SLAMF7: variants seen among roughly 807,000 people sequenced by gnomAD.
SLAMF7 encodes SLAM family member 7.
In SLAMF7, 26 loss-of-function variants were observed where a neutral mutation model predicts 34.1. The ratio of observed to expected loss-of-function variants is 0.76; its 90% CI spans 0.56 to 1.06. The LOEUF (loss-of-function observed/expected upper bound fraction) is 1.06, where lower values mean the gene tolerates loss of function less well. SLAMF7 is among the 50% of genes least tolerant of loss of function. The pLI is 0.00. For synonymous variants in SLAMF7, 171 were observed against 156.4 expected, an observed-to-expected ratio of 1.09 and a Z score of -0.70; for missense variants, 399 against 402.5, an observed-to-expected ratio of 0.99 and a Z score of 0.07.
At chr1:160,743,516 C>G (rs1663902460) in intron 1 of SLAMF7, among the ~76,000 whole-genome samples, 1 of 152,196 alleles carries the variant, frequency 6.6e-6, no homozygotes, top group Non-Finnish European at 1.5e-5. Flanking sequence ...AGAAGGGCTA[C>G]CACCTGAACT....
In SLAMF7 at chr1:160,751,261, G is replaced by T. The variant is rs945078762; in HGVS notation, c.770-84G>T. 3.5e-5 allele frequency: 35 copies of T among 986,278 alleles called. 1 individual carries two copies. In the East Asian group the frequency reaches 5.5e-4, roughly 15 times the overall value. The allele number at this position is 986,278 out of a possible 1,614,324, so 61.1% of individuals were successfully genotyped here. On this transcript the variant is annotated intron_variant, in intron 4 of 6. Coordinates refer to ENST00000368043, the MANE Select transcript of SLAMF7 (RefSeq NM_021181.5). ...ACTCGGCTGGTTGGTCACCCTAAGT[G>T]GGTCATCCAGGAGAAATGGTGGGCC...
At chr1:160,751,905 C>A (rs1479203676) in intron 5 of SLAMF7, 1 of 136,060 alleles carries the variant, frequency 7.3e-6, no homozygotes, top group Admixed American at 7.6e-5. Context: ...TATATATACA[C>A]ACACATATAT....
Position 160,752,192 on chromosome 1 carries a change from A to G in SLAMF7, c.880A>G (p.Ile294Val), listed in dbSNP as rs746665482. 1.9e-6 allele frequency: 3 copies of G among 1,612,862 alleles called. No homozygotes were observed. The highest frequency in any genetic ancestry group is 3.3e-5 in the Admixed American group (2 of 59,944). Residue 294 changes from isoleucine to valine, a missense_variant, in exon 6 of 7, where the codon ATC becomes GTC. Ile to Val is a conservative substitution (Grantham distance 29, BLOSUM62 3). Transcript: ENST00000368043. ...TGTTGTTTGTTTTTAAAAGAGAACA[A>G]TCCTAAAGGAAGATCCAGCAAATAC... ...YDTIPHTNRTILKEDPANTVY... is the reference protein window; with the variant it reads ...YDTIPHTNRTVLKEDPANTVY...
rs1166863419 is a variant in SLAMF7 at position 160,751,361 on chromosome 1, G to A, written c.786G>A (p.Lys262=). 1 of 1,613,750 alleles carries A rather than the reference G, an allele frequency of 6.2e-7. No individual in the cohort carries two copies. Residue 262 remains lysine, a synonymous_variant, in exon 5 of 7, where the codon AAG becomes AAA. Coordinates refer to ENST00000368043, the MANE Select transcript of SLAMF7 (RefSeq NM_021181.5). ...TGCTTTTAGAGTACATTGAAGAGAA[G>A]AAGAGAGTGGACATTTGTCGGGAAA... ...RERQEEYIEE[K]KRVDICRETP... is the part of the protein sequence containing the mutation.
In SLAMF7 at chr1:160,753,962, C is replaced by G. The variant is rs927931070; in HGVS notation, c.*785C>G. ...GACCTCCAGCCAGGCTTCATTTATGCACTTGTGCTGCAAAAGAAAAGTCTA... is the reference window on the plus strand; with the variant it reads ...GACCTCCAGCCAGGCTTCATTTATGGACTTGTGCTGCAAAAGAAAAGTCTA... On this transcript the variant is annotated 3_prime_UTR_variant, in exon 7 of 7. Coordinates refer to ENST00000368043, the MANE Select transcript of SLAMF7 (RefSeq NM_021181.5). The G allele has an allele frequency of 2.0e-5, 3 of 152,402 alleles. No individual in the cohort carries two copies. The highest frequency in any genetic ancestry group is 3.8e-4 in the East Asian group (2 of 5,328). The allele number at this position is 152,402 out of a possible 1,614,324, so 9.4% of individuals were successfully genotyped here.
intron 6 of SLAMF7, 60 bp from the exon 7 acceptor site, chr1:160,753,046 A>G (rs1320795894): frequency 1.3e-6 from 2 of 1,518,820 alleles, no homozygotes; most frequent in Non-Finnish European, 1.8e-6. Flanking sequence ...CAGGGTCTCC[A>G]TGGACGATCC....
rs1284152221 is a variant in SLAMF7, at chr1:160,739,374, C to T, written c.55+18C>T. ...GCTCACAGGTGAGTCCGGCCGGATT[C>T]TCTTCCACTCTCCTGTCTACCCCAT... is the stretch of plus-strand genomic sequence containing the variant. On this transcript the variant is annotated intron_variant, in intron 1 of 6. Coordinates refer to ENST00000368043, the MANE Select transcript of SLAMF7 (RefSeq NM_021181.5). 1.7e-5 allele frequency: 27 copies of T among 1,607,612 alleles called. No homozygotes were observed. Among genetic ancestry groups the T allele is most frequent in the Non-Finnish European group, 2.3e-5 (27 of 1,175,638 alleles).
At chr1:160,748,624 G>C (rs1664319097) in intron 2 of SLAMF7, 110 bp downstream of exon 2, 1 of 986,102 alleles carries the variant, frequency 1.0e-6, no homozygotes, top group Non-Finnish European at 1.5e-6. Context: ...AAGAATGTGG[G>C]AGAGGGGACT....
intron 4 of SLAMF7, 35 bp from the exon 5 acceptor site, chr1:160,751,310 G>C (rs748800361): frequency 5.4e-6 from 8 of 1,474,098 alleles, no homozygotes; most frequent in Middle Eastern, 1.7e-4. Context: ...AGTGGTTGGA[G>C]AGGTGGCTTT....
chr1:160,753,278 G>A lies in SLAMF7; in HGVS notation c.*101G>A. ...CACTGATTTGACTAGAAACATCAAGGAAGAATGAAGAACGTTGACTTTTTT... is the reference window on the plus strand; with the variant it reads ...CACTGATTTGACTAGAAACATCAAGAAAGAATGAAGAACGTTGACTTTTTT... On this transcript the variant is annotated 3_prime_UTR_variant, in exon 7 of 7. Transcript: ENST00000368043. 2 of 979,278 alleles carry A rather than the reference G, an allele frequency of 2.0e-6. No individual in the cohort carries two copies. The highest frequency in any genetic ancestry group is 3.1e-6 in the Non-Finnish European group (2 of 647,352). 60.7% of individuals were successfully genotyped at this position (979,278 alleles called of 1,614,324 possible).
At chr1:160,743,667 T>C (rs1558053354) in intron 1 of SLAMF7, among the ~76,000 whole-genome samples, 2 of 152,294 alleles carry the variant, frequency 1.3e-5, no homozygotes, top group Middle Eastern at 3.4e-3. Flanking sequence ...TGGGACCCAA[T>C]CCTCTCGAGT....
intron 1 of SLAMF7, chr1:160,739,605 G>A (rs961693312): frequency 2.4e-6 from 1 of 423,014 alleles, no homozygotes; most frequent in African/African-American, 2.1e-5. Context: ...AAGAAGTGGT[G>A]CTGGGTATCA....
chr1:160,748,151 G>A (rs781135456), intron 1 of SLAMF7, 43 bp from the exon 2 acceptor site: 44 of 1,585,222 alleles, frequency 2.8e-5, no homozygotes, highest in Admixed American at 2.1e-4. Context: ...TTGGTGACAA[G>A]GACAGGGAAT....
chr1:160,743,796 C>G (rs183613887), intron 1 of SLAMF7, among the ~76,000 whole-genome samples: 144 of 152,298 alleles, frequency 9.5e-4, no homozygotes, highest in African/African-American at 3.4e-3. Flanking sequence ...TCAAGGAATC[C>G]TCCCACCTCA....
At position 160,751,373 on chromosome 1, in the gene SLAMF7, C is replaced by T. The variant is rs766558016; in HGVS notation, c.798C>T (p.Asp266=). ...ACATTGAAGAGAAGAAGAGAGTGGA[C>T]ATTTGTCGGGAAACTCCTAACATAT... ...EEYIEEKKRV[D]ICRETPNICP... is the part of the protein sequence containing the mutation. The change falls in exon 5 of 7, where the codon GAC becomes GAT. Residue 266 remains aspartate, a synonymous_variant. Transcript: ENST00000368043. 9.3e-6 allele frequency: 15 copies of T among 1,613,894 alleles called. No individual in the cohort carries two copies. The highest frequency in any genetic ancestry group is 1.3e-5 in the Non-Finnish European group (15 of 1,179,820).
intron 1 of SLAMF7, among the ~76,000 whole-genome samples, chr1:160,742,876 G>A (rs1363130685): frequency 6.6e-6 from 1 of 152,170 alleles, no homozygotes; most frequent in East Asian, 1.9e-4. Context: ...CAGGAGAGAG[G>A]ATGCCCACTG....
chr1:160,748,960 C>A (rs1422230248), intron 2 of SLAMF7, among the ~76,000 whole-genome samples: 1 of 152,184 alleles, frequency 6.6e-6, no homozygotes, highest in African/African-American at 2.4e-5. Flanking sequence ...AAAATATCAG[C>A]ATATTTCTGG....
chr1:160,739,382 C>A (rs1446120561), intron 1 of SLAMF7, 26 bp downstream of exon 1: 3 of 1,601,650 alleles, frequency 1.9e-6, no homozygotes, highest in East Asian at 2.2e-5. Context: ...TTCTCTTCCA[C>A]TCTCCTGTCT....
At chr1:160,744,311 A>T (rs1663968391) in intron 1 of SLAMF7, among the ~76,000 whole-genome samples, 1 of 152,196 alleles carries the variant, frequency 6.6e-6, no homozygotes, top group Admixed American at 6.5e-5. Context: ...CAGAAGCAAA[A>T]CTGGTTAGGA....
Sources: allele counts gnomAD v4.1 joint callset (sites outside exome capture counted in the v4.1 genomes callset), GRCh38; gene constraint gnomAD v4.1.1; transcripts MANE v1.5; gene names NCBI Gene and HGNC (gene_info 2026-07-23, HGNC 2026-07-21).